ROBO2: variants seen among roughly 807,000 people sequenced by gnomAD.
The protein encoded by ROBO2 is roundabout homolog 2.
A neutral mutation model predicts 160.8 loss-of-function variants in ROBO2; 53 were observed. The ratio of observed to expected loss-of-function variants is 0.33; its 90% confidence interval spans 0.26 to 0.41. The LOEUF (loss-of-function observed/expected upper bound fraction) is 0.41. Ranked by LOEUF, ROBO2 falls within the 10% of genes least tolerant of loss-of-function variation. The pLI is 1.00. For synonymous variants in ROBO2, 664 were observed against 611.7 expected, an observed-to-expected ratio of 1.09 and a Z score of -1.26; for missense variants, 1,577 against 1,722.4, an observed-to-expected ratio of 0.92 and a Z score of 1.49.
chr3:76,165,435 A>G (rs971159325), intron 2 of ROBO2, among the ~76,000 whole-genome samples: 1 of 151,824 alleles, frequency 6.6e-6, no homozygotes, highest in African/African-American at 2.4e-5. Context: ...TGGCTTAAGG[A>G]AATGTTGTGG....
At chr3:76,619,685 A>G (rs1041421555) in intron 2 of ROBO2, among the ~76,000 whole-genome samples, 6 of 152,214 alleles carry the variant, frequency 3.9e-5, no homozygotes, top group African/African-American at 1.4e-4. Flanking sequence ...ATTAGACAGG[A>G]GTTTCAACTG....
intron 2 of ROBO2, among the ~76,000 whole-genome samples, chr3:77,150,816 G>A (rs1399365288): frequency 2.0e-5 from 3 of 151,490 alleles, no homozygotes; most frequent in African/African-American, 7.3e-5. Context: ...ATAAAGCAAA[G>A]CAAATAAAAC....
At chr3:77,556,049 CCTGAATT>C (rs1488231202) in intron 8 of ROBO2, among the ~76,000 whole-genome samples, 2 of 149,418 alleles carry the variant, frequency 1.3e-5, no homozygotes, top group Non-Finnish European at 3.0e-5. Context: ...TAAGAAGTTA[CCTGAATT>C]CTGCATAGGT....
chr3:77,493,139 T>C (rs2086341938), intron 4 of ROBO2, 105 bp from the exon 5 acceptor site: 2 of 1,157,014 alleles, frequency 1.7e-6, no homozygotes, highest in South Asian at 1.2e-5. Flanking sequence ...GTTAGGTACC[T>C]GTGTACCAAA....
At chr3:77,002,274 A>G (rs1454029839) in intron 2 of ROBO2, among the ~76,000 whole-genome samples, 2 of 151,968 alleles carry the variant, frequency 1.3e-5, no homozygotes, top group African/African-American at 4.8e-5. Flanking sequence ...ATTAGTGTAT[A>G]TCTTAACTTA....
chr3:76,694,107 C>G (rs1307095958), intron 2 of ROBO2, among the ~76,000 whole-genome samples: 1 of 152,232 alleles, frequency 6.6e-6, no homozygotes, highest in Non-Finnish European at 1.5e-5. Flanking sequence ...GAAAGGCTTA[C>G]TGCATCAGTG....
intron 2 of ROBO2, among the ~76,000 whole-genome samples, chr3:77,277,531 C>A (rs2059969649): frequency 6.6e-6 from 1 of 152,102 alleles, no homozygotes; most frequent in Admixed American, 6.5e-5. Flanking sequence ...TCATCTCTCA[C>A]TTATAAGTGA....
chr3:76,368,645 A>G (rs935920610), intron 2 of ROBO2, among the ~76,000 whole-genome samples: 2 of 151,950 alleles, frequency 1.3e-5, no homozygotes, highest in African/African-American at 2.4e-5. Flanking sequence ...GAGATGGGAA[A>G]TGGAAGCTGC....
chr3:76,991,500 C>T (rs892430365), intron 2 of ROBO2, among the ~76,000 whole-genome samples: 1 of 152,114 alleles, frequency 6.6e-6, no homozygotes, highest in Admixed American at 6.6e-5. Context: ...GATCTCTGTG[C>T]TTGTGCAAGG....
chr3:76,234,522 T>C (rs957615007), intron 2 of ROBO2, among the ~76,000 whole-genome samples: 5 of 152,190 alleles, frequency 3.3e-5, no homozygotes, highest in African/African-American at 9.7e-5. Context: ...TGTTCCCTTC[T>C]CTCCACAACC....
intron 2 of ROBO2, among the ~76,000 whole-genome samples, chr3:76,095,654 C>G (rs142439769): frequency 6.6e-6 from 1 of 152,010 alleles, no homozygotes; most frequent in African/African-American, 2.4e-5. Context: ...CAACAAAACT[C>G]CACATAGAAA....
intron 2 of ROBO2, among the ~76,000 whole-genome samples, chr3:76,986,518 A>C (rs777468945): frequency 7.2e-5 from 11 of 152,126 alleles, no homozygotes; most frequent in Non-Finnish European, 1.5e-4. Context: ...TTATAAATTA[A>C]AGTTCTTGAC....
chr3:76,929,369 CTTGGAGACA>C (rs994422829), intron 2 of ROBO2, among the ~76,000 whole-genome samples: 1 of 152,180 alleles, frequency 6.6e-6, no homozygotes, highest in African/African-American at 2.4e-5. Flanking sequence ...GGCCAGAAAC[CTTGGAGACA>C]TTTTCTACTC....
chr3:77,563,208 C>G, exon 11 of ROBO2: 1 of 1,613,444 alleles, frequency 6.2e-7, no homozygotes, highest in Non-Finnish European at 8.5e-7. Flanking sequence ...TTTAAGTGAC[C>G]TGCCAGGGCC....
At chr3:76,382,566 G>C (rs1162978687) in intron 2 of ROBO2, among the ~76,000 whole-genome samples, 1 of 152,214 alleles carries the variant, frequency 6.6e-6, no homozygotes, top group South Asian at 2.1e-4. Context: ...CAGCCTGGGC[G>C]ACAGAGCGAG....
chr3:77,574,034 G>A (rs1322037683), intron 13 of ROBO2, among the ~76,000 whole-genome samples: 1 of 151,916 alleles, frequency 6.6e-6, no homozygotes, highest in East Asian at 1.9e-4. Flanking sequence ...CAAAACATGT[G>A]TTTTGATTGA....
At chr3:76,361,519 A>G (rs578141498) in intron 2 of ROBO2, among the ~76,000 whole-genome samples, 1 of 152,234 alleles carries the variant, frequency 6.6e-6, no homozygotes, top group South Asian at 2.1e-4. Context: ...AGCAGAATGT[A>G]TTTTTTGAGA....
At chr3:76,712,080 C>G (rs577605505) in intron 2 of ROBO2, among the ~76,000 whole-genome samples, 14 of 152,314 alleles carry the variant, frequency 9.2e-5, no homozygotes, top group African/African-American at 3.4e-4. Flanking sequence ...TGCATTAATA[C>G]TTACTGATTG....
intron 2 of ROBO2, among the ~76,000 whole-genome samples, chr3:76,315,507 G>A (rs1469535533): frequency 6.6e-6 from 1 of 152,152 alleles, no homozygotes; most frequent in African/African-American, 2.4e-5. Flanking sequence ...AATATTTAGA[G>A]TGGCAATTTC....
Sources: allele counts gnomAD v4.1 joint callset (sites outside exome capture counted in the v4.1 genomes callset), GRCh38; gene constraint gnomAD v4.1.1; transcripts MANE v1.5; gene names NCBI Gene and HGNC (gene_info 2026-07-23, HGNC 2026-07-21).